HSPG2: variants seen among roughly 807,000 people sequenced by gnomAD.
The protein encoded by HSPG2 is basement membrane-specific heparan sulfate proteoglycan core protein.
A neutral mutation model predicts 526.6 loss-of-function variants in HSPG2; 278 were observed. That is an observed-to-expected ratio of 0.53 (90% CI 0.48 to 0.58). The LOEUF (loss-of-function observed/expected upper bound fraction) is 0.58. Ranked by LOEUF, HSPG2 falls within the 20% of genes least tolerant of loss-of-function variation. The pLI is 0.00. For synonymous variants in HSPG2, 2,465 were observed against 2,555.4 expected (o/e 0.96, Z 1.07); for missense variants, 5,354 against 6,099.5 (o/e 0.88, Z 4.07).
chr1:21,933,935 A>G (rs1644414308), intron 1 of HSPG2, among the ~76,000 whole-genome samples: 2 of 152,204 alleles, frequency 1.3e-5, no homozygotes, highest in Non-Finnish European at 2.9e-5. Context: ...GAGGAAATCC[A>G]GCTGAGGCAG....
In HSPG2 at chr1:21,828,515, A is replaced by G. The variant is rs2152689085; in HGVS notation, c.12238-89T>C. The stretch of plus-strand genomic sequence containing the variant: ...CAGGGAGAAGAATGCAGCAGAGGGG[A>G]GCTGGGAGCCCACATTGGGCCCTGA... On this transcript the variant is annotated intron_variant, in intron 88 of 96. Transcript: ENST00000374695. The surrounding 1 kb of genome is among the most constrained non-coding windows in gnomAD (Gnocchi z 6.0). The G allele has an allele frequency of 7.1e-7, 1 of 1,413,242 alleles. No individual in the cohort carries two copies. The highest frequency in any genetic ancestry group is 1.4e-5 in the African/African-American group (1 of 70,776). The allele number at this position is 1,413,242 out of a possible 1,614,324, so 87.5% of individuals were successfully genotyped here. A position where few individuals can be genotyped will look rare whatever the true frequency, so the allele number is the denominator to read the frequency against.
chr1:21,932,060 CCA>C (rs1644363597), intron 1 of HSPG2, among the ~76,000 whole-genome samples: 1 of 152,100 alleles, frequency 6.6e-6, no homozygotes, highest in East Asian at 1.9e-4. Context: ...CTAAAAATGA[CCA>C]CCCTAGAGTT....
At chr1:21,879,658 G>GT (rs11387010) in intron 17 of HSPG2, among the ~76,000 whole-genome samples, 140,056 of 149,392 alleles carry the variant, frequency 0.94, 66,264 homozygotes, top group East Asian at 1. Flanking sequence ...TCTCTGGGTT[G>GT]TTTTTTTTTT....
chr1:21,846,286 T>G (rs767566990), intron 63 of HSPG2, 31 bp from the exon 64 acceptor site: 4 of 1,612,300 alleles, frequency 2.5e-6, no homozygotes, highest in Non-Finnish European at 3.4e-6. Flanking sequence ...AGGAACAGAG[T>G]CAGGTGCCAG....
intron 1 of HSPG2, among the ~76,000 whole-genome samples, chr1:21,936,739 GT>G (rs1266077402): frequency 1.3e-5 from 2 of 152,176 alleles, no homozygotes; most frequent in African/African-American, 2.4e-5. Context: ...GACTCATAGG[GT>G]CCCCATCACC....
rs1641751681 is a variant in HSPG2, at chr1:21,884,690, G to A, written c.1508-16C>T. The A allele has an allele frequency of 1.3e-5, 21 of 1,610,656 alleles. No individual in the cohort carries two copies. The highest frequency in any genetic ancestry group is 1.7e-5 in the Admixed American group (1 of 59,760). ...GGGCAGGGGCCTGCTGGGCGGCATGGGCGGGGGCTGCAGCCGGCTGTGGTG... is the reference window on the plus strand; with the variant it reads ...GGGCAGGGGCCTGCTGGGCGGCATGAGCGGGGGCTGCAGCCGGCTGTGGTG... On this transcript the variant is annotated splice_polypyrimidine_tract_variant and intron_variant, in intron 12 of 96. Transcript: ENST00000374695.
Position 21,855,626 on chromosome 1 carries a change from GAT to G in HSPG2, c.5749_5750del (p.Ile1917ProfsTer67). 6.3e-7 allele frequency: 1 copy of G among 1,577,006 alleles called. No individual in the cohort carries two copies. The highest frequency in any genetic ancestry group is 2.3e-5 in the East Asian group (1 of 43,364). ...LPAKAQIHGG[I>X]LRLPAVEPTD... is the part of the protein sequence containing the mutation. ...TGGGCTCGACAGCTGGCAGGCGCAG[GAT>G]GCCGCCGTGGATTTGTGCCTTCGCA... On this transcript the variant is annotated frameshift_variant, in exon 46 of 97. Coordinates refer to ENST00000374695, the MANE Select transcript of HSPG2 (RefSeq NM_005529.7). LOFTEE classifies it high-confidence loss of function.
At chr1:21,908,305 T>TG (rs1643488108) in intron 1 of HSPG2, 1 of 987,814 alleles carries the variant, frequency 1.0e-6, no homozygotes, top group Non-Finnish European at 1.6e-6. Context: ...TGTTATCCAG[T>TG]ATGCTGCTAG....
intron 37 of HSPG2, among the ~76,000 whole-genome samples, chr1:21,863,451 G>A (rs1349116955): frequency 1.3e-5 from 2 of 152,104 alleles, no homozygotes; most frequent in Non-Finnish European, 2.9e-5. Flanking sequence ...CTCCTCCAAA[G>A]AGATTCACGT....
Position 21,855,588 on chromosome 1 carries a change from T to C in HSPG2, c.5789A>G (p.Gln1930Arg). The change falls in exon 46 of 97, where the codon CAG becomes CGG. Residue 1930 changes from glutamine (Q) to arginine (R), a missense_variant. Gln to Arg is a conservative substitution (Grantham distance 43). Coordinates refer to ENST00000374695, the MANE Select transcript of HSPG2 (RefSeq NM_005529.7). ...LPAVEPTDQA[Q>R]YLCRAHSSAG... ...GCTGCTGTGGGCTCGGCACAAGTACTGGGCCTGATCCGTGGGCTCGACAGC... is the reference window on the plus strand; with the variant it reads ...GCTGCTGTGGGCTCGGCACAAGTACCGGGCCTGATCCGTGGGCTCGACAGC... 1 of 1,591,448 alleles carries C rather than the reference T, an allele frequency of 6.3e-7. No individual in the cohort carries two copies.
chr1:21,876,461 T>A, intron 22 of HSPG2, 51 bp downstream of exon 22: 1 of 1,612,728 alleles, frequency 6.2e-7, no homozygotes, highest in Non-Finnish European at 8.5e-7. Flanking sequence ...TGGCGCTTGG[T>A]CCATCCGGCC....
In HSPG2 at chr1:21,873,052, T is replaced by C. The variant is rs1023274969; in HGVS notation, c.3833A>G (p.Asp1278Gly). The C allele has an allele frequency of 6.2e-7, 1 of 1,604,228 alleles. No homozygotes were observed. The highest frequency in any genetic ancestry group is 8.5e-7 in the Non-Finnish European group (1 of 1,179,944). ...CTGGCTGCTGACGCTGCCTTGGGGG[T>C]CACAGTTGCAGCCTATGGGCCCTGG... Reference protein sequence around the residue: ...QVPGPIGCNCDPQGSVSSQCD... With the variant: ...QVPGPIGCNCGPQGSVSSQCD... Residue 1278 changes from aspartate to glycine, a missense_variant, in exon 31 of 97, where the codon GAC (aspartate) becomes GGC (glycine). Physicochemically the swap from Asp to Gly is moderately conservative, Grantham distance 94. Coordinates refer to ENST00000374695, the MANE Select transcript of HSPG2 (RefSeq NM_005529.7).
At position 21,908,591 on chromosome 1, in the gene HSPG2, A is replaced by C. The variant is rs1443485331; in HGVS notation, c.64-12281T>G. On this transcript the variant is annotated intron_variant, in intron 1 of 96. Coordinates refer to ENST00000374695, the MANE Select transcript of HSPG2 (RefSeq NM_005529.7). ...GAATTCACGGCATAATAGGTATTTA[A>C]AAAAAAAAAAAGACCTCTGGGCTGT... The C allele has an allele frequency of 6.4e-5, 33 of 519,452 alleles. No individual in the cohort carries two copies. The South Asian group carries it at 7.0e-4, about 11-fold the overall frequency. 32.2% of individuals were successfully genotyped at this position (519,452 alleles called of 1,614,324 possible).
chr1:21,906,444 C>T (rs1456541128), intron 1 of HSPG2, among the ~76,000 whole-genome samples: 1 of 152,200 alleles, frequency 6.6e-6, no homozygotes, highest in African/African-American at 2.4e-5. Context: ...CCCCTGCCCC[C>T]AGGCTGGGCT....
chr1:21,878,532 C>G (rs1030766007), intron 19 of HSPG2, 41 bp from the exon 20 acceptor site: 24 of 1,613,674 alleles, frequency 1.5e-5, no homozygotes, highest in Non-Finnish European at 1.9e-5. Context: ...TTCCATGACC[C>G]CACCCAGGAG....
At chr1:21,837,845 T>C (rs1371758851) in intron 74 of HSPG2, among the ~76,000 whole-genome samples, 1 of 152,060 alleles carries the variant, frequency 6.6e-6, no homozygotes, top group Non-Finnish European at 1.5e-5. Context: ...ATAAAGAAAC[T>C]GAGGCTCAGG....
Position 21,885,464 on chromosome 1 carries a change from C to A in HSPG2, c.1079-13G>T. The A allele has an allele frequency of 1.2e-6, 2 of 1,613,780 alleles. No homozygotes were observed. Among genetic ancestry groups the A allele is most frequent in the Non-Finnish European group, 1.7e-6 (2 of 1,179,938 alleles). On this transcript the variant is annotated splice_polypyrimidine_tract_variant and intron_variant, in intron 9 of 96. Transcript: ENST00000374695. ...GGACGCTTGGTGGCTGGGGACAAAG[C>A]CAGGTGGTTCCCAATAGCCCACCCC...
chr1:21,838,135 CAAAA>C (rs35291473), intron 74 of HSPG2, among the ~76,000 whole-genome samples: 9 of 75,286 alleles, frequency 1.2e-4, no homozygotes, highest in Non-Finnish European at 1.6e-4. Flanking sequence ...GATTCTGTCT[CAAAA>C]AAAAAAAAAA....
At position 21,842,135 on chromosome 1, in the gene HSPG2, C is replaced by T. The variant is rs372508479; in HGVS notation, c.9060G>A (p.Arg3020=). ...PPSEGSSYRL[R]SPVISIDPPS... Reference sequence around the variant, plus strand: ...GCGGGTCGATGGAGATGACCGGGCTCCTAAGGCCTGGGGCCAAAGGGGCAG... The same window carrying T: ...GCGGGTCGATGGAGATGACCGGGCTTCTAAGGCCTGGGGCCAAAGGGGCAG... Residue 3020 remains arginine, a synonymous_variant, in exon 69 of 97, where the codon AGG becomes AGA. Transcript: ENST00000374695. 75 of 1,613,758 alleles carry T rather than the reference C, an allele frequency of 4.6e-5. No homozygotes were observed. In the African/African-American group the frequency reaches 6.8e-4, roughly 15 times the overall value.
Sources: allele counts gnomAD v4.1 joint callset (sites outside exome capture counted in the v4.1 genomes callset), GRCh38; gene constraint gnomAD v4.1.1; non-coding constraint Gnocchi (gnomAD v3.1); transcripts MANE v1.5; gene names NCBI Gene and HGNC (gene_info 2026-07-23, HGNC 2026-07-21).